The following EEFSEC variants were observed in gnomAD, a reference collection of about 807,000 sequenced individuals.
The protein encoded by EEFSEC is eukaryotic elongation factor, selenocysteine-tRNA specific.
A neutral mutation model predicts 42.1 loss-of-function variants in EEFSEC; 43 were observed. That is an observed-to-expected ratio of 1.02 (90% CI 0.80 to 1.32). The LOEUF (loss-of-function observed/expected upper bound fraction) is 1.32. EEFSEC is among the 40% of genes most tolerant of loss of function. The probability of loss-of-function intolerance (pLI) is 0.00; values close to 1 mark genes in which losing one functional copy is unlikely to be tolerated. For synonymous variants in EEFSEC, 354 were observed against 339.1 expected, an observed-to-expected ratio of 1.04 and a Z score of -0.48; for missense variants, 745 against 803.6, an observed-to-expected ratio of 0.93 and a Z score of 0.88.
At chr3:128,371,439 T>C (rs2067652880) in intron 6 of EEFSEC, among the ~76,000 whole-genome samples, 1 of 152,202 alleles carries the variant, frequency 6.6e-6, no homozygotes, top group African/African-American at 2.4e-5. Context: ...CTCACCCAAG[T>C]TGCAGCAATG....
chr3:128,181,633 C>G (rs1320454485), intron 1 of EEFSEC, among the ~76,000 whole-genome samples: 2 of 152,210 alleles, frequency 1.3e-5, no homozygotes, highest in Non-Finnish European at 2.9e-5. Flanking sequence ...CACTGCTCCC[C>G]CAGTATGTCT....
intron 6 of EEFSEC, among the ~76,000 whole-genome samples, chr3:128,394,461 T>TA (rs2067956004): frequency 6.6e-6 from 1 of 151,002 alleles, no homozygotes; most frequent in African/African-American, 2.5e-5. Flanking sequence ...CACCAAGTCA[T>TA]AAAAATGACA....
At chr3:128,309,365 T>G (rs1431034373) in intron 4 of EEFSEC, among the ~76,000 whole-genome samples, 2 of 151,964 alleles carry the variant, frequency 1.3e-5, no homozygotes, top group Non-Finnish European at 2.9e-5. Context: ...GGAGGAAGCC[T>G]AGAGCAGGAA....
the EEFSEC span, among the ~76,000 whole-genome samples, chr3:128,414,142 G>A: frequency 6.6e-6 from 1 of 152,346 alleles, no homozygotes; most frequent in East Asian, 1.9e-4. Context: ...TCCATGCCCT[G>A]AGGCTTGGGG....
At chr3:128,273,925 A>G (rs978641185) in intron 4 of EEFSEC, among the ~76,000 whole-genome samples, 3 of 152,188 alleles carry the variant, frequency 2.0e-5, no homozygotes, top group Non-Finnish European at 4.4e-5. Context: ...TGGTGTAAGC[A>G]TCTAGAGTCC....
At chr3:128,385,712 C>T (rs953099686) in intron 6 of EEFSEC, among the ~76,000 whole-genome samples, 1 of 152,236 alleles carries the variant, frequency 6.6e-6, no homozygotes, top group African/African-American at 2.4e-5. Flanking sequence ...GTGCAAGGGC[C>T]TCACCCGGAC....
At chr3:128,288,284 T>C (rs1444209605) in intron 4 of EEFSEC, among the ~76,000 whole-genome samples, 1 of 152,220 alleles carries the variant, frequency 6.6e-6, no homozygotes, top group Non-Finnish European at 1.5e-5. Context: ...GTCAAGGTCA[T>C]AGAGTTGACA....
At chr3:128,382,314 G>A (rs1366115888) in intron 6 of EEFSEC, among the ~76,000 whole-genome samples, 1 of 152,236 alleles carries the variant, frequency 6.6e-6, no homozygotes, top group Non-Finnish European at 1.5e-5. Flanking sequence ...GGATTCAGCA[G>A]AGCAGGGAGC....
intron 6 of EEFSEC, among the ~76,000 whole-genome samples, chr3:128,365,706 G>T (rs1020436053): frequency 2.6e-5 from 4 of 152,058 alleles, no homozygotes; most frequent in Non-Finnish European, 4.4e-5. Context: ...TAGGAGCCCC[G>T]GTGCTGCATT....
intron 4 of EEFSEC, among the ~76,000 whole-genome samples, chr3:128,273,843 C>T (rs1318195711): frequency 6.6e-6 from 1 of 152,202 alleles, no homozygotes; most frequent in East Asian, 1.9e-4. Context: ...AGTGGTGCTG[C>T]CCCACTGCTG....
intron 6 of EEFSEC, among the ~76,000 whole-genome samples, chr3:128,364,004 T>G (rs1279029704): frequency 6.6e-6 from 1 of 151,960 alleles, no homozygotes; most frequent in East Asian, 1.9e-4. Flanking sequence ...TTCCTGATCT[T>G]TAAAACAAGG....
rs2067888898 is a variant in EEFSEC at position 128,389,998 on chromosome 3, G to A, written c.1601-18071G>A. Among the ~76,000 whole-genome samples, 4 of 152,224 alleles carry A rather than the reference G, an allele frequency of 2.6e-5. No individual in the cohort carries two copies. The South Asian group carries it at 8.3e-4, about 32-fold the overall frequency. ...GTGGATTTGGATTTGGGTCCTGGAGGCAGGGAGGCCCAGTGTCATGGGTAT... is the reference window on the plus strand; with the variant it reads ...GTGGATTTGGATTTGGGTCCTGGAGACAGGGAGGCCCAGTGTCATGGGTAT... On this transcript the variant is annotated intron_variant, in intron 6 of 6. Transcript: ENST00000254730.
chr3:128,229,726 A>G (rs1189670391), intron 1 of EEFSEC, among the ~76,000 whole-genome samples: 3 of 152,214 alleles, frequency 2.0e-5, no homozygotes, highest in African/African-American at 7.2e-5. Flanking sequence ...ACATTTAAAC[A>G]TTGGCGAATT....
chr3:128,173,178 T>C (rs191188687), intron 1 of EEFSEC, among the ~76,000 whole-genome samples: 235 of 152,332 alleles, frequency 1.5e-3, no homozygotes, highest in Non-Finnish European at 1.7e-3. Flanking sequence ...AGCTGAAGGC[T>C]TTCAAAAGAG....
At position 128,153,796 on chromosome 3, in the gene EEFSEC, G is replaced by A. The variant is rs1233227487; in HGVS notation, c.289G>A (p.Ala97Thr). 3 of 1,524,668 alleles carry A rather than the reference G, an allele frequency of 2.0e-6. No homozygotes were observed. Among genetic ancestry groups the A allele is most frequent in the Non-Finnish European group, 2.6e-6 (3 of 1,142,190 alleles). The allele number at this position is 1,524,668 out of a possible 1,614,324, so 94.4% of individuals were successfully genotyped here. A position where few individuals can be genotyped will look rare whatever the true frequency, so the allele number is the denominator to read the frequency against. Residue 97 changes from alanine to threonine, a missense_variant, in exon 1 of 7, where the codon GCC becomes ACC. Physicochemically the swap from Ala to Thr is moderately conservative, Grantham distance 58 (BLOSUM62 0). Transcript: ENST00000254730. ...CACGCTGGTCGACTGCCCCGGGCAC[G>A]CCTCCCTCATCCGGACCATCATCGG... Reference protein sequence around the residue: ...QVTLVDCPGHASLIRTIIGGA... With the variant: ...QVTLVDCPGHTSLIRTIIGGA...
intron 4 of EEFSEC, among the ~76,000 whole-genome samples, chr3:128,290,832 A>G (rs1426640589): frequency 6.6e-6 from 1 of 151,866 alleles, no homozygotes; most frequent in East Asian, 1.9e-4. Context: ...TGCAACCTGT[A>G]CCTCCCAGGT....
downstream of EEFSEC, among the ~76,000 whole-genome samples, chr3:128,409,863 A>G (rs2068162257): frequency 6.6e-6 from 1 of 152,020 alleles, no homozygotes. Context: ...TCCTCACCCT[A>G]CCTGGCCCTG....
At position 128,277,203 on chromosome 3, in the gene EEFSEC, G is replaced by A. The variant is rs376562031; in HGVS notation, c.786+12422G>A. 1.1e-3 allele frequency among the ~76,000 whole-genome samples: 173 copies of A among 152,276 alleles called. 3 individuals carry two copies. In the South Asian group the frequency reaches 0.032, roughly 28 times the overall value. On this transcript the variant is annotated intron_variant, in intron 4 of 6. Transcript: ENST00000254730. ...AAAGTTGAGTGTTTCCTGAGTGTGCGTAAAGCCAATGTACTACTTAAACTG... is the reference window on the plus strand; with the variant it reads ...AAAGTTGAGTGTTTCCTGAGTGTGCATAAAGCCAATGTACTACTTAAACTG...
chr3:128,358,136 G>A, intron 5 of EEFSEC, 81 bp from the exon 6 acceptor site: 2 of 1,548,518 alleles, frequency 1.3e-6, no homozygotes, highest in Non-Finnish European at 1.8e-6. Context: ...GCCCGGGAGA[G>A]CTGGGGCTAG....
Sources: allele counts gnomAD v4.1 joint callset (sites outside exome capture counted in the v4.1 genomes callset), GRCh38; gene constraint gnomAD v4.1.1; transcripts MANE v1.5; gene names NCBI Gene and HGNC (gene_info 2026-07-23, HGNC 2026-07-21).